The following SEC24A variants were observed in gnomAD, a reference collection of about 807,000 sequenced individuals.
SEC24A encodes protein transport protein Sec24A.
SEC24A carries 93 observed loss-of-function variants against 129.4 expected under a neutral mutation model. That is an observed-to-expected ratio of 0.72 (90% CI 0.61 to 0.85). The LOEUF is 0.85. SEC24A is among the 40% of genes least tolerant of loss of function. The pLI is 0.00. For synonymous variants in SEC24A, 460 were observed against 467.3 expected (o/e 0.98, Z 0.20); for missense variants, 1,264 against 1,307.4 (o/e 0.97, Z 0.51).
Position 134,693,883 on chromosome 5 carries a change from G to A in SEC24A, c.1936G>A (p.Val646Met). Residue 646 changes from valine (V) to methionine (M), a missense_variant, in exon 13 of 23, where the codon GTG (valine) becomes ATG (methionine). Physicochemically the swap from Val to Met is conservative, Grantham distance 21. Coordinates refer to ENST00000398844, the MANE Select transcript of SEC24A (RefSeq NM_021982.3). ...TCAAACACAACTCCCAACTCTTGGA[G>A]TGGGAGCCCTGAAACCACGAGAGGA... ...VFQTQLPTLG[V>M]GALKPREEPN... The A allele has an allele frequency of 6.2e-7, 1 of 1,614,150 alleles. No individual in the cohort carries two copies. Among genetic ancestry groups the A allele is most frequent in the Non-Finnish European group, 8.5e-7 (1 of 1,180,028 alleles).
intron 15 of SEC24A, among the ~76,000 whole-genome samples, chr5:134,700,449 G>C (rs1751971713): frequency 6.6e-6 from 1 of 151,588 alleles, no homozygotes; most frequent in Non-Finnish European, 1.5e-5. Flanking sequence ...CAAACTCCTG[G>C]ACTTAAGCAA....
At chr5:134,707,209 A>G (rs565034904) in intron 17 of SEC24A, among the ~76,000 whole-genome samples, 7 of 152,240 alleles carry the variant, frequency 4.6e-5, no homozygotes, top group African/African-American at 7.2e-5. Context: ...TGAATTTCCT[A>G]TTGGGAAAAA....
chr5:134,681,064 A>T (rs1249862431), intron 8 of SEC24A, among the ~76,000 whole-genome samples: 1 of 149,674 alleles, frequency 6.7e-6, no homozygotes, highest in Non-Finnish European at 1.5e-5. Context: ...GAGTCATTGC[A>T]CTCCAGCCTG....
intron 18 of SEC24A, among the ~76,000 whole-genome samples, chr5:134,714,155 C>G (rs1298839532): frequency 6.6e-6 from 1 of 152,066 alleles, no homozygotes; most frequent in East Asian, 1.9e-4. Context: ...AGAAGCTTTC[C>G]TCATTTGTAG....
Position 134,648,957 on chromosome 5 carries a change from CT to C in SEC24A, c.-118del. 2 of 629,116 alleles carry C rather than the reference CT, an allele frequency of 3.2e-6. No individual in the cohort carries two copies. Among genetic ancestry groups the C allele is most frequent in the Non-Finnish European group, 2.7e-6 (1 of 371,308 alleles). The allele number at this position is 629,116 out of a possible 1,614,324, so 39.0% of individuals were successfully genotyped here. A position where few individuals can be genotyped will look rare whatever the true frequency, so the allele number is the denominator to read the frequency against. ...CCTCGGGCTTAATGCGCCCCCCCCT[CT>C]TCTCCCAGTCTTCAGTCTTAAGTCG... On this transcript the variant is annotated 5_prime_UTR_variant, in exon 1 of 23. The change creates a premature stop within an existing upstream ORF in the 5' untranslated region. Transcript: ENST00000398844.
intron 15 of SEC24A, among the ~76,000 whole-genome samples, chr5:134,702,134 A>T (rs1360563462): frequency 2.0e-5 from 3 of 152,100 alleles, no homozygotes; most frequent in Non-Finnish European, 4.4e-5. Flanking sequence ...TTCTATTTTT[A>T]TACGTACAGA....
At chr5:134,655,057 T>A (rs1750193355) in intron 1 of SEC24A, among the ~76,000 whole-genome samples, 1 of 151,984 alleles carries the variant, frequency 6.6e-6, no homozygotes, top group Admixed American at 6.6e-5. Flanking sequence ...GCCAGGCTGG[T>A]CTCAAAATCC....
intron 5 of SEC24A, 79 bp downstream of exon 5, chr5:134,674,854 G>T: frequency 3.9e-6 from 5 of 1,283,670 alleles, no homozygotes; most frequent in Middle Eastern, 2.0e-4. Flanking sequence ...TTTTAGGAAG[G>T]TATATTATAC....
At position 134,703,839 on chromosome 5, in the gene SEC24A, G is replaced by A. The variant is rs375274847; in HGVS notation, c.2347G>A (p.Ala783Thr). Residue 783 changes from alanine to threonine, a missense_variant, in exon 16 of 23, where the codon GCT (alanine) becomes ACT (threonine). Physicochemically the swap from Ala to Thr is moderately conservative, Grantham distance 58. Transcript: ENST00000398844. ...GTCTTTGCCTAACGTCAACCCAGACGCTGGGTATGCAGTACAGATGTCAGT... is the reference window on the plus strand; with the variant it reads ...GTCTTTGCCTAACGTCAACCCAGACACTGGGTATGCAGTACAGATGTCAGT... ...LLSLPNVNPD[A>T]GYAVQMSVEE... 1.1e-4 allele frequency: 184 copies of A among 1,610,740 alleles called. No homozygotes were observed. Among genetic ancestry groups the A allele is most frequent in the Non-Finnish European group, 1.5e-4 (181 of 1,177,136 alleles).
intron 4 of SEC24A, among the ~76,000 whole-genome samples, chr5:134,672,177 C>A (rs911139491): frequency 1.3e-5 from 2 of 151,214 alleles, no homozygotes; most frequent in Non-Finnish European, 3.0e-5. Flanking sequence ...GTCACCATGC[C>A]CAGCTTTTTG....
intron 16 of SEC24A, among the ~76,000 whole-genome samples, 175 bp downstream of exon 16, chr5:134,704,107 G>A (rs1340447096): frequency 6.6e-6 from 1 of 151,914 alleles, no homozygotes; most frequent in African/African-American, 2.4e-5. Context: ...GTCTCACTCT[G>A]TCACCAGGCT....
chr5:134,669,262 G>A (rs1422658809), intron 3 of SEC24A, among the ~76,000 whole-genome samples: 2 of 150,538 alleles, frequency 1.3e-5, no homozygotes, highest in Admixed American at 1.3e-4. Flanking sequence ...CGCCTCCTGG[G>A]TTCAAGTGAT....
Position 134,703,765 on chromosome 5 carries a change from C to T in SEC24A, c.2273C>T (p.Ser758Phe). Residue 758 changes from serine to phenylalanine, a missense_variant, in exon 16 of 23, where the codon TCC (serine) becomes TTC (phenylalanine). By Grantham distance (155) the Ser-to-Phe change is radical. Transcript: ENST00000398844. ...VMRIRCTKGL[S>F]IHTFHGNFFV... is the part of the protein sequence containing the mutation. ...TTACCTTTTTCTCTTCTAGGTCTTT[C>T]CATTCATACTTTCCATGGAAACTTC... 6.2e-7 allele frequency: 1 copy of T among 1,607,708 alleles called. No homozygotes were observed. Among genetic ancestry groups the T allele is most frequent in the Non-Finnish European group, 8.5e-7 (1 of 1,174,578 alleles).
chr5:134,699,808 T>C (rs1751948394), intron 15 of SEC24A, among the ~76,000 whole-genome samples: 1 of 150,888 alleles, frequency 6.6e-6, no homozygotes, highest in African/African-American at 2.4e-5. Context: ...CAAGCAATTC[T>C]GCCTGCCTCA....
intron 6 of SEC24A, among the ~76,000 whole-genome samples, chr5:134,675,686 A>G (rs1006735596): frequency 2.6e-5 from 4 of 152,170 alleles, no homozygotes; most frequent in African/African-American, 9.7e-5. Context: ...TGAACTTTTA[A>G]ATAATAGACT....
rs774493298 is a variant in SEC24A, at chr5:134,666,835, C to G, written c.578C>G (p.Pro193Arg). Residue 193 changes from proline (P) to arginine (R), a missense_variant, in exon 3 of 23, where the codon CCT becomes CGT. Coordinates refer to ENST00000398844, the MANE Select transcript of SEC24A (RefSeq NM_021982.3). ...AATGTTTCCATAGGTCCTTCTGTAC[C>G]TCCCTTAGTGAATCCACCTCTGCCT... is the stretch of plus-strand genomic sequence containing the variant. ...NSFIKSGPSV[P>R]PLVNPPLPTT... 4 of 1,613,924 alleles carry G rather than the reference C, an allele frequency of 2.5e-6. No individual in the cohort carries two copies. The highest frequency in any genetic ancestry group is 3.4e-6 in the Non-Finnish European group (4 of 1,179,964).
chr5:134,669,729 A>T (rs1750793463), intron 3 of SEC24A, among the ~76,000 whole-genome samples: 1 of 151,764 alleles, frequency 6.6e-6, no homozygotes. Context: ...CGCCTGCCTC[A>T]GCCTCCCAAA....
chr5:134,715,114 C>T lies in SEC24A; in HGVS notation c.2818C>T (p.Leu940Phe). The change falls in exon 19 of 23, where the codon CTC becomes TTC. Residue 940 changes from leucine to phenylalanine, a missense_variant. Leu to Phe is a conservative substitution (Grantham distance 22, BLOSUM62 0). Transcript: ENST00000398844. ...VKNQPLVYLM[L>F]TTHPSLYRVD... The stretch of plus-strand genomic sequence containing the variant: ...AAACCAGCCCTTGGTTTACCTTATG[C>T]TCACAACTCATCCCAGTTTGTATAG... 1 of 1,610,684 alleles carries T rather than the reference C, an allele frequency of 6.2e-7. No individual in the cohort carries two copies. The highest frequency in any genetic ancestry group is 8.5e-7 in the Non-Finnish European group (1 of 1,179,112).
intron 1 of SEC24A, among the ~76,000 whole-genome samples, chr5:134,651,614 A>G (rs1457463754): frequency 6.6e-6 from 1 of 151,390 alleles, no homozygotes; most frequent in Non-Finnish European, 1.5e-5. Context: ...AGATATATGT[A>G]TATTATATAT....
Sources: gnomAD v4.1 joint callset for allele counts (sites outside exome capture counted in the v4.1 genomes callset) on GRCh38, gnomAD v4.1.1 for gene constraint, MANE v1.5 for transcripts, NCBI Gene and HGNC (gene_info 2026-07-23, HGNC 2026-07-21) for gene names.